CCDC170: variants seen among roughly 807,000 people sequenced by gnomAD.
The protein encoded by CCDC170 is coiled-coil domain-containing protein 170.
In CCDC170, 69 loss-of-function variants were observed where a neutral mutation model predicts 72.6. That is an observed-to-expected ratio of 0.95 (90% CI 0.78 to 1.16). The LOEUF (loss-of-function observed/expected upper bound fraction) is 1.16. Ranked by LOEUF, CCDC170 falls within the 50% of genes most tolerant of loss-of-function variation. The pLI is 0.00. For missense variants in CCDC170, 852 were observed against 832.5 expected, an observed-to-expected ratio of 1.02 and a Z score of -0.29; for synonymous variants, 300 against 303.9, an observed-to-expected ratio of 0.99 and a Z score of 0.13.
chr6:151,592,517 C>T (rs1419435275), intron 7 of CCDC170, among the ~76,000 whole-genome samples: 2 of 152,110 alleles, frequency 1.3e-5, no homozygotes, highest in African/African-American at 2.4e-5. Flanking sequence ...TGGTGGCAGG[C>T]AAAGAGAGAG....
chr6:151,552,070 A>T (rs1250524990), intron 5 of CCDC170, among the ~76,000 whole-genome samples: 2 of 147,318 alleles, frequency 1.4e-5, no homozygotes, highest in African/African-American at 5.0e-5. Flanking sequence ...AATAGCATTG[A>T]CATGTTGGAG....
intron 6 of CCDC170, 28 bp downstream of exon 6, chr6:151,573,519 A>T: frequency 6.3e-7 from 1 of 1,596,360 alleles, no homozygotes; most frequent in Non-Finnish European, 8.6e-7. Flanking sequence ...GTTTACAGAC[A>T]TCTTAAGAAC....
At position 151,558,769 on chromosome 6, in the gene CCDC170, C is replaced by A. The variant is rs140832573; in HGVS notation, c.774+10280C>A. On this transcript the variant is annotated intron_variant, in intron 5 of 10. Coordinates refer to ENST00000239374, the MANE Select transcript of CCDC170 (RefSeq NM_025059.4). ...TTTAGTCTGTGTGTCTATTTCATAC[C>A]AATACCCTGCTGTTTTGTTTATTAT... is the stretch of plus-strand genomic sequence containing the variant. Among the ~76,000 whole-genome samples the A allele has an allele frequency of 2.2e-3, 334 of 152,130 alleles. 1 individual carries two copies. The highest frequency in any genetic ancestry group is 4.3e-3 in the Admixed American group (66 of 15,270).
intron 2 of CCDC170, 75 bp from the exon 3 acceptor site, chr6:151,537,970 C>A: frequency 7.2e-7 from 1 of 1,389,862 alleles, no homozygotes. Flanking sequence ...TAAATGATGG[C>A]TTTGGGTTTC....
chr6:151,575,525 C>CTTTTTTTTTTTTTTTTTTTT (rs869185539), intron 6 of CCDC170, among the ~76,000 whole-genome samples: 18 of 79,664 alleles, frequency 2.3e-4, no homozygotes, highest in Non-Finnish European at 3.2e-4. Context: ...TCTTTTCTTT[C>CTTTTTTTTTTTTTTTTTTTT]TTTTTTTTTT....
intron 5 of CCDC170, among the ~76,000 whole-genome samples, chr6:151,552,605 G>A: frequency 6.6e-6 from 1 of 151,572 alleles, no homozygotes; most frequent in Non-Finnish European, 1.5e-5. Context: ...CTCTTTCAGT[G>A]CTCCAAATTC....
chr6:151,604,097 A>C (rs1776749117), intron 9 of CCDC170, among the ~76,000 whole-genome samples: 1 of 151,950 alleles, frequency 6.6e-6, no homozygotes, highest in Non-Finnish European at 1.5e-5. Flanking sequence ...TCTTCATTGC[A>C]CTCTTTCAAG....
intron 9 of CCDC170, among the ~76,000 whole-genome samples, chr6:151,615,017 C>G (rs991833740): frequency 1.3e-5 from 2 of 152,108 alleles, no homozygotes; most frequent in Admixed American, 6.5e-5. Context: ...TAAGGTGGGG[C>G]TCTCATGGGA....
intron 1 of CCDC170, among the ~76,000 whole-genome samples, chr6:151,530,961 T>G (rs1782483346): frequency 6.6e-6 from 1 of 152,178 alleles, no homozygotes; most frequent in Admixed American, 6.6e-5. Context: ...GTTTTGATTC[T>G]TTGTATTATT....
intron 6 of CCDC170, among the ~76,000 whole-genome samples, chr6:151,584,655 T>C (rs558235672): frequency 2.0e-5 from 3 of 152,336 alleles, no homozygotes; most frequent in East Asian, 3.9e-4. Context: ...GGGGATATCT[T>C]ACTTTATAAT....
chr6:151,597,097 A>T (rs1776638343), intron 9 of CCDC170, among the ~76,000 whole-genome samples: 1 of 152,118 alleles, frequency 6.6e-6, no homozygotes, highest in African/African-American at 2.4e-5. Context: ...AAGTGCTGGG[A>T]TTACAGGCGT....
intron 10 of CCDC170, among the ~76,000 whole-genome samples, chr6:151,616,069 G>A (rs1776962661): frequency 6.6e-6 from 1 of 152,126 alleles, no homozygotes; most frequent in South Asian, 2.1e-4. Context: ...CAGCGGAAGG[G>A]TTTTGGTGAA....
chr6:151,561,285 CT>C (rs1776027269), intron 5 of CCDC170, among the ~76,000 whole-genome samples: 1 of 151,950 alleles, frequency 6.6e-6, no homozygotes, highest in Non-Finnish European at 1.5e-5. Flanking sequence ...GCTTTGTAGT[CT>C]TAATTGTGTA....
chr6:151,600,145 A>G (rs894801704), intron 9 of CCDC170, among the ~76,000 whole-genome samples: 1 of 152,234 alleles, frequency 6.6e-6, no homozygotes, highest in Non-Finnish European at 1.5e-5. Flanking sequence ...TGAGATATCA[A>G]ATACAGAATA....
chr6:151,554,772 A>T (rs1401678953), intron 5 of CCDC170, among the ~76,000 whole-genome samples: 1 of 151,974 alleles, frequency 6.6e-6, no homozygotes, highest in Non-Finnish European at 1.5e-5. Context: ...AGCGGTTAAG[A>T]AGCTAGGCTC....
At chr6:151,610,645 A>G (rs191518321) in intron 9 of CCDC170, among the ~76,000 whole-genome samples, 1 of 152,316 alleles carries the variant, frequency 6.6e-6, no homozygotes, top group Admixed American at 6.5e-5. Context: ...GCTCTGATGT[A>G]TTGGTATCTA....
At chr6:151,514,987 C>T (rs1782213720) in intron 1 of CCDC170, among the ~76,000 whole-genome samples, 1 of 152,206 alleles carries the variant, frequency 6.6e-6, no homozygotes, top group Non-Finnish European at 1.5e-5. Flanking sequence ...CTCACCTGGT[C>T]TCTGCAAGAA....
chr6:151,509,238 C>G (rs201560204), intron 1 of CCDC170, among the ~76,000 whole-genome samples: 1 of 151,622 alleles, frequency 6.6e-6, no homozygotes, highest in Non-Finnish European at 1.5e-5. Context: ...ATCTATCTAT[C>G]TATCTATCTA....
chr6:151,596,908 C>A (rs1385562430), intron 9 of CCDC170, among the ~76,000 whole-genome samples: 1 of 151,826 alleles, frequency 6.6e-6, no homozygotes. Context: ...CTCACCACAA[C>A]CTCCTCTTCC....
Sources: allele counts gnomAD v4.1 joint callset (sites outside exome capture counted in the v4.1 genomes callset), GRCh38; gene constraint gnomAD v4.1.1; transcripts MANE v1.5; gene names NCBI Gene and HGNC (gene_info 2026-07-23, HGNC 2026-07-21).